The following SWAP70 variants were observed in gnomAD, a reference collection of about 807,000 sequenced individuals.
The protein encoded by SWAP70 is switching B cell complex subunit SWAP70, also known as switch-associated protein 70.
Under a neutral mutation model 80.2 loss-of-function variants are expected in SWAP70, and 34 were observed. The observed-to-expected ratio is 0.42, with a 90% CI of 0.32 to 0.56. The LOEUF (loss-of-function observed/expected upper bound fraction) is 0.56, where lower values mean the gene tolerates loss of function less well. Among genes scored for constraint, SWAP70 ranks in the 20% least tolerant of loss-of-function variants. SWAP70 has a pLI of 0.09. For missense variants in SWAP70, 578 were observed against 690.7 expected, an observed-to-expected ratio of 0.84 and a Z score of 1.83; for synonymous variants, 239 against 238.5, an observed-to-expected ratio of 1.00 and a Z score of -0.02.
chr11:9,729,792 G>A (rs1414773542), intron 6 of SWAP70, among the ~76,000 whole-genome samples: 2 of 152,112 alleles, frequency 1.3e-5, no homozygotes, highest in Admixed American at 6.5e-5. Context: ...ACGCCTGGCC[G>A]AGAGCTCTGA....
chr11:9,725,035 T>C, intron 4 of SWAP70, 150 bp downstream of exon 4: 1 of 621,658 alleles, frequency 1.6e-6, no homozygotes, highest in Admixed American at 3.1e-5. Flanking sequence ...AGTCTTGCTC[T>C]GTCGCCCAGT....
chr11:9,682,926 T>G (rs901500457), intron 1 of SWAP70, among the ~76,000 whole-genome samples: 2 of 152,202 alleles, frequency 1.3e-5, no homozygotes, highest in Non-Finnish European at 2.9e-5. Context: ...ATCACCTGCC[T>G]TGGCCTCCTA....
At chr11:9,693,668 T>C (rs938739615) in intron 1 of SWAP70, among the ~76,000 whole-genome samples, 1 of 152,210 alleles carries the variant, frequency 6.6e-6, no homozygotes, top group African/African-American at 2.4e-5. Context: ...AACTAAAGCC[T>C]GGAGAGGTTG....
chr11:9,725,557 ATATATATATATATTTTT>A (rs1352946978), intron 4 of SWAP70, among the ~76,000 whole-genome samples: 1 of 10,298 alleles, frequency 9.7e-5, no homozygotes, highest in Admixed American at 1.2e-3. Context: ...ATATATATAT[ATATATATATATATTTTT>A]TTTTTTTTTT....
intron 4 of SWAP70, among the ~76,000 whole-genome samples, chr11:9,725,563 A>C: frequency 5.9e-5 from 1 of 16,822 alleles, no homozygotes; most frequent in East Asian, 1.4e-3. Flanking sequence ...ATATATATAT[A>C]TATATATTTT....
intron 2 of SWAP70, among the ~76,000 whole-genome samples, chr11:9,705,430 A>C (rs1392763137): frequency 7.6e-6 from 1 of 130,970 alleles, no homozygotes; most frequent in African/African-American, 3.2e-5. Context: ...GGTGATCTGT[A>C]TACACTGGTG....
At chr11:9,680,201 T>A (rs967945409) in intron 1 of SWAP70, among the ~76,000 whole-genome samples, 1 of 152,122 alleles carries the variant, frequency 6.6e-6, no homozygotes, top group African/African-American at 2.4e-5. Flanking sequence ...AAGAAGATAA[T>A]ACATGAAATG....
At position 9,729,441 on chromosome 11, in the gene SWAP70, G is replaced by A. The variant is rs755818666; in HGVS notation, c.888G>A (p.Glu296=). 4 of 1,603,560 alleles carry A rather than the reference G, an allele frequency of 2.5e-6. No homozygotes were observed. Among genetic ancestry groups the A allele is most frequent in the Non-Finnish European group, 3.4e-6 (4 of 1,171,346 alleles). The change falls in exon 6 of 12, where the codon GAG becomes GAA. Residue 296 remains glutamate (E), a synonymous_variant. Transcript: ENST00000318950. ...CTTCAGATAAGAAGAAGAAACAGGA[G>A]TGGATTCAAGGTAAGGTGATTTTTT... The part of the protein sequence containing the change: ...ISASDKKKKQ[E]WIQAIHSTIH...
intron 2 of SWAP70, among the ~76,000 whole-genome samples, chr11:9,705,258 A>G (rs79332073): frequency 7.0e-6 from 1 of 142,628 alleles, no homozygotes; most frequent in Non-Finnish European, 1.5e-5. Flanking sequence ...TGATCTGTAT[A>G]CACTGGTGAT....
intron 1 of SWAP70, 26 bp downstream of exon 1, chr11:9,664,304 C>A (rs1023861070): frequency 5.2e-5 from 81 of 1,545,402 alleles, no homozygotes; most frequent in East Asian, 7.4e-5. Flanking sequence ...CCCGGCCCCC[C>A]ACCCGACCCT....
chr11:9,698,142 C>T (rs1304606815), intron 2 of SWAP70, among the ~76,000 whole-genome samples: 2 of 148,060 alleles, frequency 1.4e-5, no homozygotes, highest in East Asian at 2.0e-4. Context: ...GCTCTGTCAC[C>T]CAGGCTGGAG....
At chr11:9,677,764 T>C (rs756176619) in intron 1 of SWAP70, among the ~76,000 whole-genome samples, 2 of 152,204 alleles carry the variant, frequency 1.3e-5, no homozygotes, top group Non-Finnish European at 2.9e-5. Flanking sequence ...AAATTTATTG[T>C]ACCTTTTTGA....
At chr11:9,715,373 C>A (rs1464743454) in intron 3 of SWAP70, among the ~76,000 whole-genome samples, 1 of 152,120 alleles carries the variant, frequency 6.6e-6, no homozygotes, top group Non-Finnish European at 1.5e-5. Context: ...TTGGTCTGTC[C>A]TATTTACTGT....
chr11:9,673,387 T>C (rs972578926), intron 1 of SWAP70, among the ~76,000 whole-genome samples: 1 of 152,038 alleles, frequency 6.6e-6, no homozygotes, highest in South Asian at 2.1e-4. Flanking sequence ...CCTCATGGAG[T>C]TGGGGTGCAC....
At chr11:9,678,066 G>A (rs1015741089) in intron 1 of SWAP70, among the ~76,000 whole-genome samples, 27 of 152,146 alleles carry the variant, frequency 1.8e-4, no homozygotes, top group Non-Finnish European at 2.4e-4. Flanking sequence ...ATGAGACAGG[G>A]TTTTTATTTG....
intron 1 of SWAP70, among the ~76,000 whole-genome samples, chr11:9,666,817 C>T (rs1343746997): frequency 1.3e-5 from 2 of 148,436 alleles, no homozygotes; most frequent in Admixed American, 6.7e-5. Context: ...CTCTGCCTCC[C>T]GGGTTCAAGC....
chr11:9,682,002 G>A (rs946777192), intron 1 of SWAP70, among the ~76,000 whole-genome samples: 1 of 152,172 alleles, frequency 6.6e-6, no homozygotes, highest in Non-Finnish European at 1.5e-5. Flanking sequence ...TCTTTGCTGG[G>A]CTTCAGTTTC....
At chr11:9,726,565 G>T (rs2645011) in intron 4 of SWAP70, among the ~76,000 whole-genome samples, 49,743 of 151,944 alleles carry the variant, frequency 0.33, 8,369 homozygotes, top group Non-Finnish European at 0.35. Flanking sequence ...GATAGCTTTT[G>T]CTTAAATGTC....
At chr11:9,698,678 TA>T (rs1482899050) in intron 2 of SWAP70, among the ~76,000 whole-genome samples, 1 of 152,242 alleles carries the variant, frequency 6.6e-6, no homozygotes, top group African/African-American at 2.4e-5. Flanking sequence ...GTGTTGGGAT[TA>T]TAGGTGTGAG....
Sources: gnomAD v4.1 joint callset for allele counts (sites outside exome capture counted in the v4.1 genomes callset) on GRCh38, gnomAD v4.1.1 for gene constraint, MANE v1.5 for transcripts, NCBI Gene and HGNC (gene_info 2026-07-23, HGNC 2026-07-21) for gene names.